The following B3GALT1 variants were observed in gnomAD, a reference collection of about 807,000 sequenced individuals.
B3GALT1 encodes the protein beta-1,3-galactosyltransferase 1, also known as UDP-Gal:betaGlcNAc beta 1,3-galactosyltransferase, polypeptide 1.
In B3GALT1, 10 loss-of-function variants were observed where a neutral mutation model predicts 23.2. The observed-to-expected ratio is 0.43, with a 90% CI of 0.27 to 0.73. The LOEUF (loss-of-function observed/expected upper bound fraction) is 0.73. Ranked by LOEUF, B3GALT1 falls within the 30% of genes least tolerant of loss-of-function variation. The pLI, the probability that B3GALT1 is intolerant of heterozygous loss-of-function variation, is 0.21. For missense variants in B3GALT1, 299 were observed against 405.4 expected, an observed-to-expected ratio of 0.74 and a Z score of 2.25; for synonymous variants, 156 against 141.5, an observed-to-expected ratio of 1.10 and a Z score of -0.73.
At chr2:167,471,100 A>G (rs1699413422) in intron 1 of B3GALT1, among the ~76,000 whole-genome samples, 1 of 152,212 alleles carries the variant, frequency 6.6e-6, no homozygotes. Flanking sequence ...TGCTAAAAAT[A>G]GATAAGCAGA....
intron 1 of B3GALT1, among the ~76,000 whole-genome samples, chr2:167,340,367 G>A (rs2105247252): frequency 6.6e-6 from 1 of 151,278 alleles, no homozygotes; most frequent in African/African-American, 2.4e-5. Flanking sequence ...AAGGGTTGGT[G>A]TGACAAAATC....
intron 1 of B3GALT1, among the ~76,000 whole-genome samples, chr2:167,382,326 A>T (rs1405874349): frequency 6.6e-6 from 1 of 150,878 alleles, no homozygotes; most frequent in African/African-American, 2.4e-5. Flanking sequence ...TTTTTTCCTG[A>T]TTTTTTAAAA....
At chr2:167,450,369 G>T (rs1699070266) in intron 1 of B3GALT1, among the ~76,000 whole-genome samples, 2 of 152,014 alleles carry the variant, frequency 1.3e-5, no homozygotes, top group Non-Finnish European at 1.5e-5. Context: ...AGGTTTTCTA[G>T]TTTATACATG....
At chr2:167,669,868 C>T (rs1393138582) in intron 3 of B3GALT1, among the ~76,000 whole-genome samples, 1 of 152,082 alleles carries the variant, frequency 6.6e-6, no homozygotes, top group Non-Finnish European at 1.5e-5. Flanking sequence ...TCACCCCACC[C>T]AGAACACTGA....
chr2:167,743,289 C>A (rs1687603304), intron 3 of B3GALT1, among the ~76,000 whole-genome samples: 1 of 151,988 alleles, frequency 6.6e-6, no homozygotes, highest in Non-Finnish European at 1.5e-5. Flanking sequence ...TATAAAGGTT[C>A]TATTTTACAA....
At chr2:167,438,708 G>A (rs957803383) in intron 1 of B3GALT1, among the ~76,000 whole-genome samples, 2 of 152,198 alleles carry the variant, frequency 1.3e-5, no homozygotes, top group Non-Finnish European at 2.9e-5. Context: ...GCAGACTGAG[G>A]AGAGAAATAA....
intron 4 of B3GALT1, among the ~76,000 whole-genome samples, chr2:167,840,043 G>T (rs1340114117): frequency 6.6e-6 from 1 of 152,194 alleles, no homozygotes; most frequent in African/African-American, 2.4e-5. Flanking sequence ...ATGGATTAAA[G>T]ACTTCAATGT....
At chr2:167,574,246 T>A (rs1684346449) in intron 2 of B3GALT1, among the ~76,000 whole-genome samples, 1 of 151,512 alleles carries the variant, frequency 6.6e-6, no homozygotes, top group African/African-American at 2.4e-5. Flanking sequence ...AGCAGAGAGG[T>A]CAGCAGTCCA....
At chr2:167,743,245 T>C (rs1435439245) in intron 3 of B3GALT1, among the ~76,000 whole-genome samples, 1 of 152,104 alleles carries the variant, frequency 6.6e-6, no homozygotes, top group Non-Finnish European at 1.5e-5. Flanking sequence ...TTCTCGAGTA[T>C]GTACCTAGGA....
At chr2:167,722,916 A>G (rs946039898) in intron 3 of B3GALT1, among the ~76,000 whole-genome samples, 1 of 152,340 alleles carries the variant, frequency 6.6e-6, no homozygotes, top group East Asian at 1.9e-4. Context: ...AAAAGTGTAA[A>G]GGAAAAGAGA....
At chr2:167,486,016 A>G (rs926267615) in intron 1 of B3GALT1, among the ~76,000 whole-genome samples, 3 of 152,180 alleles carry the variant, frequency 2.0e-5, no homozygotes, top group East Asian at 1.9e-4. Context: ...CTGTACCACA[A>G]TTATGTATCT....
At chr2:167,751,087 A>G (rs1172623050) in intron 3 of B3GALT1, among the ~76,000 whole-genome samples, 1 of 152,208 alleles carries the variant, frequency 6.6e-6, no homozygotes, top group Non-Finnish European at 1.5e-5. Flanking sequence ...GGCTGAGTTC[A>G]AATAAAACTT....
chr2:167,706,670 A>C (rs12151513), intron 3 of B3GALT1, among the ~76,000 whole-genome samples: 18,433 of 152,266 alleles, frequency 0.12, 1,383 homozygotes, highest in East Asian at 0.36. Context: ...GTAAGTGCAA[A>C]GCTTACTTTG....
chr2:167,771,719 C>G (rs1200419818), intron 3 of B3GALT1, among the ~76,000 whole-genome samples: 1 of 152,170 alleles, frequency 6.6e-6, no homozygotes, highest in East Asian at 1.9e-4. Context: ...TGAGAAGACT[C>G]AGATAGACAT....
chr2:167,469,559 C>A (rs901482086), intron 1 of B3GALT1, among the ~76,000 whole-genome samples: 1 of 152,094 alleles, frequency 6.6e-6, no homozygotes, highest in Non-Finnish European at 1.5e-5. Context: ...CAAATGTGCC[C>A]ATGGTAAGAA....
intron 2 of B3GALT1, among the ~76,000 whole-genome samples, chr2:167,565,783 A>G (rs1684150329): frequency 6.6e-6 from 1 of 152,172 alleles, no homozygotes; most frequent in African/African-American, 2.4e-5. Context: ...GAGAAATGCA[A>G]ATCAAAACCA....
intron 3 of B3GALT1, among the ~76,000 whole-genome samples, chr2:167,764,146 G>A (rs1191642269): frequency 2.6e-5 from 4 of 152,228 alleles, no homozygotes; most frequent in Middle Eastern, 3.4e-3. Flanking sequence ...GCTCCAAATA[G>A]CACTGTAGCC....
At chr2:167,533,103 T>A (rs945581892) in intron 2 of B3GALT1, among the ~76,000 whole-genome samples, 37 of 152,052 alleles carry the variant, frequency 2.4e-4, no homozygotes, top group African/African-American at 8.4e-4. Flanking sequence ...TCAGGTGATC[T>A]GCCTGCCTCG....
At chr2:167,668,705 G>A (rs961238783) in intron 3 of B3GALT1, among the ~76,000 whole-genome samples, 7 of 152,288 alleles carry the variant, frequency 4.6e-5, no homozygotes, top group Non-Finnish European at 8.8e-5. Context: ...GGAGTGACCC[G>A]ATTTTCCAGG....
Sources: allele counts gnomAD v4.1 joint callset (sites outside exome capture counted in the v4.1 genomes callset), GRCh38; gene constraint gnomAD v4.1.1; transcripts MANE v1.5; gene names NCBI Gene and HGNC (gene_info 2026-07-23, HGNC 2026-07-21).